The following CIB4 variants were observed in gnomAD, a reference collection of about 807,000 sequenced individuals.
CIB4 encodes the protein calcium and integrin binding family member 4.
CIB4 carries 25 observed loss-of-function variants against 25.8 expected under a neutral mutation model. The observed-to-expected ratio is 0.97, with a 90% CI of 0.71 to 1.35. The LOEUF is 1.35. CIB4 is among the 40% of genes most tolerant of loss of function. The pLI is 0.00. For missense variants in CIB4, 235 were observed against 228.2 expected, an observed-to-expected ratio of 1.03 and a Z score of -0.19; for synonymous variants, 75 against 81.4, an observed-to-expected ratio of 0.92 and a Z score of 0.42.
intron 4 of CIB4, among the ~76,000 whole-genome samples, chr2:26,593,435 CT>C (rs1558557442): frequency 1.3e-4 from 19 of 151,628 alleles, no homozygotes; most frequent in African/African-American, 4.4e-4. Context: ...TATATACACA[CT>C]ATATATACCC....
intron 2 of CIB4, among the ~76,000 whole-genome samples, chr2:26,632,208 G>C (rs1669433114): frequency 6.6e-6 from 1 of 152,236 alleles, no homozygotes; most frequent in Non-Finnish European, 1.5e-5. Context: ...ATCCAGGCTA[G>C]GGCCTGACAG....
chr2:26,598,171 G>A (rs759284236), intron 3 of CIB4, among the ~76,000 whole-genome samples: 35 of 151,854 alleles, frequency 2.3e-4, no homozygotes, highest in Non-Finnish European at 4.0e-4. Context: ...GTGATGGTGC[G>A]TGCCTGCAGT....
intron 2 of CIB4, among the ~76,000 whole-genome samples, chr2:26,633,585 G>A (rs1669475951): frequency 6.6e-6 from 1 of 152,160 alleles, no homozygotes; most frequent in Non-Finnish European, 1.5e-5. Flanking sequence ...GAGTGGGCGG[G>A]CTGCCCATAG....
intron 3 of CIB4, among the ~76,000 whole-genome samples, chr2:26,601,229 A>C: frequency 3.9e-5 from 1 of 25,366 alleles, no homozygotes; most frequent in Non-Finnish European, 1.1e-4. Flanking sequence ...AAAAAAAAAA[A>C]AAATATATAT....
intron 4 of CIB4, among the ~76,000 whole-genome samples, chr2:26,584,354 G>A (rs920525129): frequency 1.3e-5 from 2 of 152,090 alleles, no homozygotes; most frequent in African/African-American, 4.8e-5. Context: ...TTTGGTGGCT[G>A]GGAGCCAGGC....
chr2:26,592,234 C>G (rs1013020697), intron 4 of CIB4, among the ~76,000 whole-genome samples: 1 of 152,202 alleles, frequency 6.6e-6, no homozygotes, highest in Non-Finnish European at 1.5e-5. Context: ...CCCAGAGGAG[C>G]GACCCCAGCC....
intron 3 of CIB4, among the ~76,000 whole-genome samples, chr2:26,626,332 GGTTC>G (rs1252170053): frequency 3.9e-3 from 141 of 35,712 alleles, no homozygotes; most frequent in African/African-American, 8.4e-3. Flanking sequence ...TTCAAAAGAC[GGTTC>G]TGGCTGTTAG....
chr2:26,619,594 T>A (rs1669162931), intron 3 of CIB4, among the ~76,000 whole-genome samples: 1 of 152,152 alleles, frequency 6.6e-6, no homozygotes, highest in African/African-American at 2.4e-5. Context: ...CTTAGAGGCA[T>A]GACCCACAAA....
chr2:26,597,909 G>A (rs1180073673), intron 3 of CIB4, among the ~76,000 whole-genome samples: 1 of 148,980 alleles, frequency 6.7e-6, no homozygotes, highest in Non-Finnish European at 1.5e-5. Context: ...CCACTAAGGT[G>A]CCTGGTGCCA....
At chr2:26,589,810 G>T (rs573295174) in intron 4 of CIB4, among the ~76,000 whole-genome samples, 1 of 152,168 alleles carries the variant, frequency 6.6e-6, no homozygotes, top group African/African-American at 2.4e-5. Flanking sequence ...GCCGGGTGGG[G>T]CTTCCAAGAA....
chr2:26,601,226 AAAAAAAT>A (rs1338978378), intron 3 of CIB4, among the ~76,000 whole-genome samples: 48 of 57,148 alleles, frequency 8.4e-4, no homozygotes, highest in Non-Finnish European at 1.1e-3. Context: ...TCAAAAAAAA[AAAAAAAT>A]ATATATATAT....
At chr2:26,588,216 C>A (rs765475347) in intron 4 of CIB4, among the ~76,000 whole-genome samples, 9 of 152,246 alleles carry the variant, frequency 5.9e-5, no homozygotes, top group Non-Finnish European at 1.0e-4. Context: ...TGTCCCCAGG[C>A]GTCCTGCTGG....
chr2:26,610,517 C>T (rs1668978460), intron 3 of CIB4, among the ~76,000 whole-genome samples: 1 of 152,190 alleles, frequency 6.6e-6, no homozygotes, highest in African/African-American at 2.4e-5. Context: ...CTTCTCTCTC[C>T]TGTATCCTGG....
At chr2:26,624,540 C>T (rs1669263053) in intron 3 of CIB4, among the ~76,000 whole-genome samples, 2 of 152,074 alleles carry the variant, frequency 1.3e-5, no homozygotes, top group South Asian at 4.1e-4. Flanking sequence ...TGTCTGAAAA[C>T]ACTCGAGGCT....
intron 3 of CIB4, among the ~76,000 whole-genome samples, chr2:26,611,573 T>C (rs562787267): frequency 1.3e-5 from 2 of 152,202 alleles, no homozygotes; most frequent in African/African-American, 2.4e-5. Flanking sequence ...GATTGCGTAG[T>C]TCAAATTCTT....
intron 4 of CIB4, 43 bp from the exon 5 acceptor site, chr2:26,583,941 C>CT (rs765445986): frequency 1.8e-4 from 236 of 1,308,552 alleles, no homozygotes; most frequent in Non-Finnish European, 2.5e-4. Context: ...GAGCTGGGGG[C>CT]TAAACAGGAA....
chr2:26,585,960 C>G (rs1668444461), intron 4 of CIB4, among the ~76,000 whole-genome samples: 1 of 152,086 alleles, frequency 6.6e-6, no homozygotes, highest in Non-Finnish European at 1.5e-5. Flanking sequence ...CTCAGGCCAA[C>G]CTGGAGTCAC....
At chr2:26,612,196 G>A (rs1187122502) in intron 3 of CIB4, among the ~76,000 whole-genome samples, 1 of 152,178 alleles carries the variant, frequency 6.6e-6, no homozygotes, top group Non-Finnish European at 1.5e-5. Flanking sequence ...TGAACTCCTG[G>A]CTCCCAGACC....
At chr2:26,614,913 G>A (rs76585510) in intron 3 of CIB4, among the ~76,000 whole-genome samples, 1,853 of 152,306 alleles carry the variant, frequency 0.012, 45 homozygotes, top group African/African-American at 0.043. Flanking sequence ...AGGATAATGC[G>A]CCCTGCTCTT....
Sources: allele counts gnomAD v4.1 joint callset (sites outside exome capture counted in the v4.1 genomes callset), GRCh38; gene constraint gnomAD v4.1.1; transcripts MANE v1.5; gene names NCBI Gene and HGNC (gene_info 2026-07-23, HGNC 2026-07-21).